Variants in UTP6 observed in about 807,000 individuals in gnomAD.
UTP6 encodes the protein UTP6 small subunit processome component.
A neutral mutation model predicts 96.5 loss-of-function variants in UTP6; 60 were observed. The observed-to-expected ratio is 0.62, with a 90% CI of 0.51 to 0.77. The LOEUF (loss-of-function observed/expected upper bound fraction) is 0.77, where lower values mean the gene tolerates loss of function less well. Ranked by LOEUF, UTP6 falls within the 30% of genes least tolerant of loss-of-function variation. The probability of loss-of-function intolerance (pLI) is 0.00; values close to 1 mark genes in which losing one functional copy is unlikely to be tolerated. For missense variants in UTP6, 637 were observed against 706.5 expected, an observed-to-expected ratio of 0.90 and a Z score of 1.12; for synonymous variants, 215 against 240.1, an observed-to-expected ratio of 0.90 and a Z score of 0.96.
At chr17:31,868,167 C>A (rs1400549075) in intron 16 of UTP6, 55 bp from the exon 17 acceptor site, 5 of 1,532,130 alleles carry the variant, frequency 3.3e-6, no homozygotes, top group Admixed American at 1.8e-5. Flanking sequence ...CCTCTTACAT[C>A]TCATAACTGT....
At chr17:31,870,528 GTTT>G (rs907614453) in intron 16 of UTP6, among the ~76,000 whole-genome samples, 1 of 142,298 alleles carries the variant, frequency 7.0e-6, no homozygotes, top group Non-Finnish European at 1.5e-5. Flanking sequence ...TTTTTTTTTG[GTTT>G]TTTTTTTTGA....
chr17:31,894,099 T>C (rs1178297149), intron 4 of UTP6, among the ~76,000 whole-genome samples: 1 of 151,316 alleles, frequency 6.6e-6, no homozygotes, highest in Non-Finnish European at 1.5e-5. Flanking sequence ...CGAAACCCTA[T>C]GTCTACCAAA....
At chr17:31,880,441 A>T in intron 11 of UTP6, 132 bp downstream of exon 11, 14 of 1,033,520 alleles carry the variant, frequency 1.4e-5, no homozygotes, top group Non-Finnish European at 1.8e-5. Flanking sequence ...AAAAAAAAAA[A>T]GGCCAGGCTC....
chr17:31,889,703 T>A (rs1911369428), intron 6 of UTP6, among the ~76,000 whole-genome samples: 1 of 151,954 alleles, frequency 6.6e-6, no homozygotes, highest in Non-Finnish European at 1.5e-5. Flanking sequence ...TTTCACCATG[T>A]TAGCCAGGAT....
intron 4 of UTP6, among the ~76,000 whole-genome samples, chr17:31,893,659 G>A (rs2142321829): frequency 6.7e-6 from 1 of 150,030 alleles, no homozygotes; most frequent in Admixed American, 6.7e-5. Context: ...CAATCTGGGA[G>A]GCAGAGGTTG....
intron 17 of UTP6, among the ~76,000 whole-genome samples, chr17:31,866,887 CAAAA>C (rs56235737): frequency 4.6e-5 from 2 of 43,570 alleles, no homozygotes; most frequent in Admixed American, 4.6e-4. Context: ...ACTCTTGTCT[CAAAA>C]AAAAAAAAAA....
At chr17:31,877,642 G>C (rs1206869558) in intron 13 of UTP6, among the ~76,000 whole-genome samples, 2 of 152,084 alleles carry the variant, frequency 1.3e-5, no homozygotes, top group African/African-American at 2.4e-5. Flanking sequence ...GACCAGCCTG[G>C]CCAACATAGT....
intron 1 of UTP6, 112 bp from the exon 2 acceptor site, chr17:31,899,842 T>C (rs1157140851): frequency 1.1e-5 from 9 of 796,500 alleles, no homozygotes; most frequent in Non-Finnish European, 1.5e-5. Flanking sequence ...CCTAGAGTTA[T>C]CTTTCATAAG....
rs1250300330 is a variant in UTP6 at position 31,862,319 on chromosome 17, G to C, written c.*1040C>G. On this transcript the variant is annotated 3_prime_UTR_variant, in exon 19 of 19. Transcript: ENST00000261708. ...CAAAAAAAAAAAGACAGTCTAACCA[G>C]AGGATTAGTAAAATATATTATGGCT... 6.6e-6 allele frequency: 1 copy of C among 151,954 alleles called. No individual in the cohort carries two copies. The highest frequency in any genetic ancestry group is 1.5e-5 in the Non-Finnish European group (1 of 68,020). 9.4% of individuals were successfully genotyped at this position (151,954 alleles called of 1,614,324 possible).
At chr17:31,863,594 A>T in intron 18 of UTP6, 78 bp from the exon 19 acceptor site, 1 of 1,301,864 alleles carries the variant, frequency 7.7e-7, no homozygotes, top group South Asian at 1.5e-5. Context: ...ATTCAACTCA[A>T]GATTTCTAAG....
chr17:31,877,340 GTATA>G (rs1483916465), intron 13 of UTP6, among the ~76,000 whole-genome samples: 2 of 152,240 alleles, frequency 1.3e-5, no homozygotes, highest in African/African-American at 4.8e-5. Context: ...TTAAATGACA[GTATA>G]TAATCAGTAC....
At chr17:31,878,807 G>T in intron 11 of UTP6, 26 bp from the exon 12 acceptor site, 1 of 1,603,966 alleles carries the variant, frequency 6.2e-7, no homozygotes, top group Non-Finnish European at 8.5e-7. Context: ...AGATTGTGTT[G>T]ATCAGATCAC....
chr17:31,893,957 T>C (rs1215293132), intron 4 of UTP6, among the ~76,000 whole-genome samples: 2 of 151,854 alleles, frequency 1.3e-5, no homozygotes, highest in East Asian at 3.9e-4. Flanking sequence ...AAATTTGTCA[T>C]TACCAAGAAT....
In UTP6 at chr17:31,878,807, G is replaced by C. The variant is rs369083154; in HGVS notation, c.968-26C>G. ...CTGGAAAAGTCAGAAAGATTGTGTT[G>C]ATCAGATCACTTAGTTCAACATTCA... On this transcript the variant is annotated intron_variant, in intron 11 of 18. Coordinates refer to ENST00000261708, the MANE Select transcript of UTP6 (RefSeq NM_018428.3). 31 of 1,603,970 alleles carry C rather than the reference G, an allele frequency of 1.9e-5. No homozygotes were observed. The African/African-American group carries it at 4.0e-4, about 21-fold the overall frequency.
At chr17:31,880,922 G>C (rs1366744885) in intron 10 of UTP6, among the ~76,000 whole-genome samples, 168 bp from the exon 11 acceptor site, 1 of 152,148 alleles carries the variant, frequency 6.6e-6, no homozygotes, top group Admixed American at 6.5e-5. Flanking sequence ...GCCACTGGGA[G>C]ACCAGCACTT....
chr17:31,875,851 G>C (rs1598101331), intron 13 of UTP6, among the ~76,000 whole-genome samples: 1 of 150,738 alleles, frequency 6.6e-6, no homozygotes, highest in South Asian at 2.1e-4. Flanking sequence ...AAAGAAATGA[G>C]CTATGTGATA....
At chr17:31,874,304 T>C (rs564473112) in intron 14 of UTP6, 1 of 152,608 alleles carries the variant, frequency 6.6e-6, no homozygotes, top group Non-Finnish European at 1.5e-5. Flanking sequence ...CCCAGCACTT[T>C]AAAGACGGAG....
chr17:31,900,735 T>C (rs1274764671), intron 1 of UTP6, among the ~76,000 whole-genome samples: 2 of 152,224 alleles, frequency 1.3e-5, no homozygotes, highest in African/African-American at 4.8e-5. Flanking sequence ...AAAGACTTAT[T>C]ACTACGAAGG....
chr17:31,901,006 A>C (rs2142331785), intron 1 of UTP6, among the ~76,000 whole-genome samples: 1 of 152,300 alleles, frequency 6.6e-6, no homozygotes, highest in South Asian at 2.1e-4. Flanking sequence ...AAAACTATTA[A>C]ACATAATTTT....
Sources: gnomAD v4.1 joint callset for allele counts (sites outside exome capture counted in the v4.1 genomes callset) on GRCh38, gnomAD v4.1.1 for gene constraint, MANE v1.5 for transcripts, NCBI Gene and HGNC (gene_info 2026-07-23, HGNC 2026-07-21) for gene names.